The following SUPT20H variants were observed in gnomAD, a reference collection of about 807,000 sequenced individuals.
The protein encoded by SUPT20H is transcription factor SPT20 homolog.
In SUPT20H, 82 loss-of-function variants were observed where a neutral mutation model predicts 122.8. The observed-to-expected ratio is 0.67, with a 90% CI of 0.56 to 0.80. The LOEUF (loss-of-function observed/expected upper bound fraction) is 0.80, where lower values mean the gene tolerates loss of function less well. SUPT20H is among the 30% of genes least tolerant of loss of function. The pLI, the probability that SUPT20H is intolerant of heterozygous loss-of-function variation, is 0.00. For synonymous variants in SUPT20H, 291 were observed against 313.0 expected, an observed-to-expected ratio of 0.93 and a Z score of 0.74; for missense variants, 831 against 921.6, an observed-to-expected ratio of 0.90 and a Z score of 1.27.
chr13:37,051,552 A>G lies in SUPT20H; in HGVS notation c.-62T>C. ...TTATGTACGCTGATGAAGTGGGGTG[A>G]ACACCATGCCTTTAACATCAATCTT... On this transcript the variant is annotated 5_prime_UTR_variant, in exon 2 of 26. Coordinates refer to ENST00000350612, the MANE Select transcript of SUPT20H (RefSeq NM_001014286.3). The G allele has an allele frequency of 6.6e-7, 1 of 1,526,124 alleles. No individual in the cohort carries two copies. Among genetic ancestry groups the G allele is most frequent in the Non-Finnish European group, 9.0e-7 (1 of 1,106,722 alleles). 94.5% of individuals were successfully genotyped at this position (1,526,124 alleles called of 1,614,324 possible). A position where few individuals can be genotyped will look rare whatever the true frequency, so the allele number is the denominator to read the frequency against.
intron 1 of SUPT20H, among the ~76,000 whole-genome samples, chr13:37,052,083 A>G (rs2067854420): frequency 6.6e-6 from 1 of 152,184 alleles, no homozygotes; most frequent in Non-Finnish European, 1.5e-5. Flanking sequence ...GGAAGAATCA[A>G]TATTGTGAAA....
At chr13:37,023,629 A>C (rs1038216484) in intron 19 of SUPT20H, 1 of 154,368 alleles carries the variant, frequency 6.5e-6, no homozygotes, top group African/African-American at 2.4e-5. Context: ...ATACACAAAG[A>C]TAGGACCTGC....
At position 37,040,653 on chromosome 13, in the gene SUPT20H, G is replaced by A. The variant is rs1295724730; in HGVS notation, c.436C>T (p.Arg146Cys). The change falls in exon 8 of 26, where the codon CGT becomes TGT. Residue 146 changes from arginine to cysteine, a missense_variant. Physicochemically the swap from Arg to Cys is radical, Grantham distance 180. Transcript: ENST00000350612. ...ATGTTACTGGACTGCCTGTAGTCAC[G>A]TATTTCTGCTATGACACATCCGCAA... is the stretch of plus-strand genomic sequence containing the variant. The part of the protein sequence containing the change: ...FHCGCVIAEI[R>C]DYRQSSNMKS... The A allele has an allele frequency of 7.4e-6, 12 of 1,613,888 alleles. No homozygotes were observed. Among genetic ancestry groups the A allele is most frequent in the East Asian group, 2.2e-5 (1 of 44,840 alleles).
chr13:37,025,523 ATGGC>A, intron 16 of SUPT20H, 86 bp from the exon 17 acceptor site: 1 of 856,662 alleles, frequency 1.2e-6, no homozygotes, highest in Non-Finnish European at 1.8e-6. Flanking sequence ...ATGACTATTA[ATGGC>A]AAAAAGAAAG....
chr13:37,012,283 AC>A lies in SUPT20H; in HGVS notation c.2006del (p.Gly669ValfsTer22). ...QQPGEQGSEQ[G>X]STSQEQALSA... ...ATAAGGCCTGTTCTTGACTGGTTGA[AC>A]CTTGCTCAGAACCCTGAATAAAAAA... On this transcript the variant is annotated frameshift_variant, in exon 24 of 26. Coordinates refer to ENST00000350612, the MANE Select transcript of SUPT20H (RefSeq NM_001014286.3). LOFTEE classifies it high-confidence loss of function. The A allele has an allele frequency of 6.2e-7, 1 of 1,612,938 alleles. No individual in the cohort carries two copies. Among genetic ancestry groups the A allele is most frequent in the Non-Finnish European group, 8.5e-7 (1 of 1,179,220 alleles).
chr13:37,041,912 T>C (rs1006292055), intron 7 of SUPT20H, among the ~76,000 whole-genome samples: 3 of 152,212 alleles, frequency 2.0e-5, no homozygotes, highest in African/African-American at 7.2e-5. Context: ...TATGTGCAGA[T>C]AGAAACCTTA....
chr13:37,011,797 T>C (rs2059675667), intron 24 of SUPT20H, among the ~76,000 whole-genome samples: 1 of 152,202 alleles, frequency 6.6e-6, no homozygotes, highest in Admixed American at 6.5e-5. Context: ...TTAAGTCATT[T>C]ATGCAACTAC....
At chr13:37,012,374 T>C in intron 23 of SUPT20H, 77 bp from the exon 24 acceptor site, 1 of 1,196,896 alleles carries the variant, frequency 8.4e-7, no homozygotes, top group East Asian at 2.3e-5. Context: ...TCAGTATTTT[T>C]TCCTATATGA....
chr13:37,024,162 G>T lies in SUPT20H; in HGVS notation c.1464C>A (p.Ser488Arg), dbSNP rs367710403. Residue 488 changes from serine to arginine, a missense_variant, in exon 19 of 26, where the codon AGC (serine) becomes AGA (arginine). Coordinates refer to ENST00000350612, the MANE Select transcript of SUPT20H (RefSeq NM_001014286.3). ...GAGGAGGAGTTGGAGATTTGAGAAA[G>T]CTGCTTGTCTGTTGTGGTGTAAAAT... ...GNYFTPQQTS[S>R]FLKSPTPPPS... is the part of the protein sequence containing the mutation. The T allele has an allele frequency of 7.5e-5, 121 of 1,613,470 alleles. No homozygotes were observed. The highest frequency in any genetic ancestry group is 8.3e-5 in the Non-Finnish European group (98 of 1,179,738).
rs2061449397 is a variant in SUPT20H at position 37,021,439 on chromosome 13, C to T, written c.1816+9G>A. The T allele has an allele frequency of 6.3e-7, 1 of 1,580,330 alleles. No homozygotes were observed. Among genetic ancestry groups the T allele is most frequent in the Non-Finnish European group, 8.6e-7 (1 of 1,163,072 alleles). On this transcript the variant is annotated intron_variant, in intron 21 of 25. Transcript: ENST00000350612. The stretch of plus-strand genomic sequence containing the variant: ...TTTTTTTAGAGGTTATTATTTCCAA[C>T]ATTCTGACCTGCTTGAGAAGCTGCC...
chr13:37,031,232 A>ATT (rs1028349201), intron 12 of SUPT20H, among the ~76,000 whole-genome samples: 133 of 152,162 alleles, frequency 8.7e-4, no homozygotes, highest in African/African-American at 3.0e-3. Flanking sequence ...TTGATGAAAT[A>ATT]TTATCAAAAA....
chr13:37,032,651 CT>C (rs895604760), intron 10 of SUPT20H, among the ~76,000 whole-genome samples: 2 of 152,130 alleles, frequency 1.3e-5, no homozygotes, highest in Non-Finnish European at 2.9e-5. Context: ...CCAAGGGGAC[CT>C]AGTCACTGGG....
chr13:37,040,112 T>C lies in SUPT20H; in HGVS notation c.567+293A>G, dbSNP rs531731657. ...AAAAACCAGTATCTATTTGTAACCA[T>C]GGTAAAAACAAAACATTTTTCTTCT... On this transcript the variant is annotated intron_variant, in intron 9 of 25. Coordinates refer to ENST00000350612, the MANE Select transcript of SUPT20H (RefSeq NM_001014286.3). The C allele has an allele frequency of 1.3e-4, 33 of 257,370 alleles. No homozygotes were observed. The Admixed American group carries it at 1.3e-3, about 10-fold the overall frequency. The allele number at this position is 257,370 out of a possible 1,614,324, so 15.9% of individuals were successfully genotyped here.
chr13:37,018,330 G>A (rs368755777), intron 22 of SUPT20H, among the ~76,000 whole-genome samples: 113 of 152,312 alleles, frequency 7.4e-4, no homozygotes, highest in African/African-American at 2.2e-3. Flanking sequence ...GCAATATGCC[G>A]GAAGGTAGGC....
chr13:37,022,846 T>C lies in SUPT20H; in HGVS notation c.1592-766A>G. The C allele has an allele frequency of 9.3e-7, 1 of 1,070,940 alleles. No homozygotes were observed. The highest frequency in any genetic ancestry group is 1.6e-5 in the African/African-American group (1 of 60,984). The allele number at this position is 1,070,940 out of a possible 1,614,324, so 66.3% of individuals were successfully genotyped here. On this transcript the variant is annotated intron_variant, in intron 19 of 25. Transcript: ENST00000350612. This position sits in a 1 kb window ranked among gnomAD's most constrained non-coding sequence, Gnocchi z 4.5. Reference sequence around the variant, plus strand: ...CAAACAAATTTACAAAAAACAGTAATAAAGCAAATATCTGAGAGATAATAC... The same window carrying C: ...CAAACAAATTTACAAAAAACAGTAACAAAGCAAATATCTGAGAGATAATAC...
intron 16 of SUPT20H, 83 bp downstream of exon 16, chr13:37,026,120 TA>T (rs1244855983): frequency 8.9e-7 from 1 of 1,129,906 alleles, no homozygotes; most frequent in East Asian, 2.7e-5. Context: ...TCAAAGTTTT[TA>T]ACTCCTAGTA....
chr13:37,050,438 T>G (rs1012723049), intron 2 of SUPT20H, among the ~76,000 whole-genome samples: 3 of 152,060 alleles, frequency 2.0e-5, no homozygotes, highest in African/African-American at 4.8e-5. Context: ...GACTCCCATT[T>G]TCCCTGATCC....
intron 23 of SUPT20H, among the ~76,000 whole-genome samples, chr13:37,014,699 G>A (rs2060140604): frequency 6.6e-6 from 1 of 152,136 alleles, no homozygotes; most frequent in Non-Finnish European, 1.5e-5. Context: ...GGCTTAAGCA[G>A]TACTGAGAAG....
chr13:37,025,010 C>T (rs975123861), intron 17 of SUPT20H: 12 of 312,282 alleles, frequency 3.8e-5, no homozygotes, highest in East Asian at 2.0e-4. Context: ...GGCGCTATCT[C>T]GGCTCACTGA....
Sources: gnomAD v4.1 joint callset for allele counts (sites outside exome capture counted in the v4.1 genomes callset) on GRCh38, gnomAD v4.1.1 for gene constraint, Gnocchi (gnomAD v3.1) non-coding constraint, MANE v1.5 for transcripts, NCBI Gene and HGNC (gene_info 2026-07-23, HGNC 2026-07-21) for gene names.